Variants in AADAT observed in about 807,000 individuals in gnomAD.
The protein encoded by AADAT is aminoadipate aminotransferase.
AADAT carries 25 observed loss-of-function variants against 56.2 expected under a neutral mutation model. The ratio of observed to expected loss-of-function variants is 0.44; its 90% CI spans 0.32 to 0.62. The LOEUF is 0.62. Among genes scored for constraint, AADAT ranks in the 20% least tolerant of loss-of-function variants. The probability of loss-of-function intolerance (pLI) is 0.04; values close to 1 mark genes in which losing one functional copy is unlikely to be tolerated. For missense variants in AADAT, 387 were observed against 510.5 expected (o/e 0.76, Z 2.33); for synonymous variants, 173 against 164.7 (o/e 1.05, Z -0.39).
intron 4 of AADAT, among the ~76,000 whole-genome samples, chr4:170,074,076 C>T (rs1731921667): frequency 6.6e-6 from 1 of 152,114 alleles, no homozygotes; most frequent in African/African-American, 2.4e-5. Flanking sequence ...GAACTGAGCT[C>T]CAGCAGTCTT....
chr4:170,089,810 T>TC lies in AADAT; in HGVS notation c.-121dup, dbSNP rs1423206512. 4.9e-6 allele frequency: 5 copies of TC among 1,019,338 alleles called. No individual in the cohort carries two copies. Among genetic ancestry groups the TC allele is most frequent in the South Asian group, 3.0e-5 (2 of 67,652 alleles). The allele number at this position is 1,019,338 out of a possible 1,614,324, so 63.1% of individuals were successfully genotyped here. A position where few individuals can be genotyped will look rare whatever the true frequency, so the allele number is the denominator to read the frequency against. On this transcript the variant is annotated 5_prime_UTR_variant, in exon 1 of 13. Coordinates refer to ENST00000337664, the MANE Select transcript of AADAT (RefSeq NM_016228.4). Reference sequence around the variant, plus strand: ...TCTGGCAACGCCACCGCGAGATGTGTCCCCCCGCTGCGTCTGGCTTCCCGC... The same window carrying TC: ...TCTGGCAACGCCACCGCGAGATGTGTCCCCCCCGCTGCGTCTGGCTTCCCGC...
intron 3 of AADAT, among the ~76,000 whole-genome samples, chr4:170,079,227 C>T (rs996713046): frequency 3.3e-5 from 5 of 152,102 alleles, no homozygotes; most frequent in Non-Finnish European, 5.9e-5. Flanking sequence ...CTGGAGGAAG[C>T]GATGAGTTGG....
At chr4:170,092,483 TC>T (rs1478188703), upstream of AADAT, among the ~76,000 whole-genome samples, 1 of 152,088 alleles carries the variant, frequency 6.6e-6, no homozygotes, top group East Asian at 1.9e-4. Context: ...AGGAACAAAC[TC>T]TGGACACACT....
intron 1 of AADAT, chr4:170,089,238 T>C (rs771709266): frequency 4.7e-6 from 2 of 426,826 alleles, no homozygotes; most frequent in Non-Finnish European, 8.9e-6. Context: ...GTGAGCTTCA[T>C]GGCCCACCCC....
chr4:170,064,175 C>T (rs1017140634), intron 11 of AADAT, among the ~76,000 whole-genome samples: 4 of 152,186 alleles, frequency 2.6e-5, no homozygotes, highest in Non-Finnish European at 5.9e-5. Flanking sequence ...TGCTTTTATA[C>T]ATTTTCCAAA....
chr4:170,087,974 C>T (rs28629414), intron 2 of AADAT, among the ~76,000 whole-genome samples: 19,422 of 149,886 alleles, frequency 0.13, 1,484 homozygotes, highest in East Asian at 0.29. Context: ...ATCCAGGATG[C>T]TTAAACTTTA....
intron 8 of AADAT, among the ~76,000 whole-genome samples, chr4:170,068,138 CAAAAAAA>C (rs1217763818): frequency 1.4e-5 from 1 of 72,932 alleles, no homozygotes; most frequent in Admixed American, 1.6e-4. Flanking sequence ...GACTCTGTCT[CAAAAAAA>C]AAAAAAAAAA....
intron 4 of AADAT, among the ~76,000 whole-genome samples, chr4:170,076,322 TA>T (rs869117522): frequency 3.3e-5 from 5 of 152,108 alleles, no homozygotes; most frequent in African/African-American, 1.2e-4. Flanking sequence ...TTTCTCTATT[TA>T]AAAAAATTTT....
intron 3 of AADAT, among the ~76,000 whole-genome samples, chr4:170,084,823 G>C (rs927040404): frequency 1.7e-4 from 26 of 152,190 alleles, no homozygotes; most frequent in Non-Finnish European, 3.4e-4. Flanking sequence ...AGGACCAAAG[G>C]AATCACTTGG....
At chr4:170,061,589 T>C (rs1254601278) in intron 12 of AADAT, among the ~76,000 whole-genome samples, 3 of 152,214 alleles carry the variant, frequency 2.0e-5, no homozygotes, top group Non-Finnish European at 4.4e-5. Context: ...CTGGCTCATG[T>C]TAATTCAATA....
chr4:170,064,695 C>A, intron 11 of AADAT, 24 bp downstream of exon 11: 2 of 1,546,346 alleles, frequency 1.3e-6, no homozygotes, highest in South Asian at 2.4e-5. Flanking sequence ...TTAGGTTTCC[C>A]AGCCCTTCAC....
chr4:170,074,710 G>A (rs1677977296), intron 4 of AADAT, among the ~76,000 whole-genome samples: 1 of 152,016 alleles, frequency 6.6e-6, no homozygotes, highest in African/African-American at 2.4e-5. Flanking sequence ...GGGAAGCCAG[G>A]GTAGTGGCGG....
At chr4:170,078,457 TTTC>T (rs1189717398) in intron 4 of AADAT, 49 bp downstream of exon 4, 14 of 1,072,708 alleles carry the variant, frequency 1.3e-5, no homozygotes, top group South Asian at 9.1e-5. Context: ...TATTATAAGT[TTTC>T]TTCTTATTTA....
chr4:170,092,060 C>G (rs113746948), upstream of AADAT, among the ~76,000 whole-genome samples: 6,515 of 152,256 alleles, frequency 0.043, 463 homozygotes, highest in African/African-American at 0.15. Flanking sequence ...ATGGACCAAT[C>G]AGCTCTGAAA....
Position 170,073,233 on chromosome 4 carries a change from G to T in AADAT, c.557C>A (p.Pro186His), listed in dbSNP as rs754110103. Residue 186 changes from proline to histidine, a missense_variant, in exon 5 of 13, where the codon CCC becomes CAC. Physicochemically the swap from Pro to His is moderately conservative, Grantham distance 77 (BLOSUM62 -2). Transcript: ENST00000337664. ...SRWKPEDAKN[P>H]QKNTPKFLYT... The stretch of plus-strand genomic sequence containing the variant: ...AAGAAATTTGGGGGTGTTTTTCTGG[G>T]GATTCTTTGCATCTTCTGGTTTCCA... 2 of 1,614,010 alleles carry T rather than the reference G, an allele frequency of 1.2e-6. No homozygotes were observed. Among genetic ancestry groups the T allele is most frequent in the Admixed American group, 3.3e-5 (2 of 60,002 alleles).
chr4:170,092,569 A>G (rs1732899729), upstream of AADAT, among the ~76,000 whole-genome samples: 1 of 152,192 alleles, frequency 6.6e-6, no homozygotes, highest in Non-Finnish European at 1.5e-5. Context: ...AAACCCCACC[A>G]ATTCCAGGCA....
At chr4:170,086,096 T>C (rs1044670153) in intron 3 of AADAT, among the ~76,000 whole-genome samples, 2 of 151,988 alleles carry the variant, frequency 1.3e-5, no homozygotes, top group Non-Finnish European at 2.9e-5. Flanking sequence ...AATATAAAAA[T>C]TAGCTAGGCA....
intron 4 of AADAT, among the ~76,000 whole-genome samples, chr4:170,075,529 G>T (rs1210831200): frequency 1.3e-5 from 2 of 152,142 alleles, no homozygotes; most frequent in Admixed American, 6.5e-5. Flanking sequence ...GTATGGGCTC[G>T]AACTCCTGAC....
intron 6 of AADAT, among the ~76,000 whole-genome samples, chr4:170,070,255 T>C (rs890793054): frequency 1.3e-5 from 2 of 151,456 alleles, no homozygotes; most frequent in Non-Finnish European, 2.9e-5. Context: ...TGGGTGATGT[T>C]TGAGGAGCTG....
Sources: gnomAD v4.1 joint callset for allele counts (sites outside exome capture counted in the v4.1 genomes callset) on GRCh38, gnomAD v4.1.1 for gene constraint, MANE v1.5 for transcripts, NCBI Gene and HGNC (gene_info 2026-07-23, HGNC 2026-07-21) for gene names.